LSM1: variants seen among roughly 807,000 people sequenced by gnomAD.
LSM1 encodes LSM1 homolog, mRNA degradation associated, also known as U6 snRNA-associated Sm-like protein LSm1.
A neutral mutation model predicts 18.0 loss-of-function variants in LSM1; 13 were observed. The observed-to-expected ratio is 0.72, with a 90% CI of 0.47 to 1.15. The LOEUF (loss-of-function observed/expected upper bound fraction) is 1.15. Among genes scored for constraint, LSM1 ranks in the 50% most tolerant of loss-of-function variants. The pLI is 0.00. For missense variants in LSM1, 152 were observed against 157.7 expected (o/e 0.96, Z 0.19); for synonymous variants, 46 against 56.0 (o/e 0.82, Z 0.80).
chr8:38,175,902 C>T (rs1284360747), intron 1 of LSM1: 1 of 193,500 alleles, frequency 5.2e-6, no homozygotes, highest in Non-Finnish European at 1.1e-5. Flanking sequence ...GATCCATCCA[C>T]CGGTAACACG....
At chr8:38,166,905 T>C (rs1166151645) in intron 3 of LSM1, among the ~76,000 whole-genome samples, 1 of 152,250 alleles carries the variant, frequency 6.6e-6, no homozygotes, top group African/African-American at 2.4e-5. Flanking sequence ...AAGCAATTCA[T>C]GCTGCTGTTG....
At chr8:38,171,762 T>G (rs1397333730) in intron 2 of LSM1, among the ~76,000 whole-genome samples, 2 of 152,268 alleles carry the variant, frequency 1.3e-5, no homozygotes, top group Non-Finnish European at 2.9e-5. Context: ...AAGCCAGTTT[T>G]AGAAACGAGC....
chr8:38,163,461 T>C lies in LSM1; in HGVS notation c.*209A>G, dbSNP rs1160594524. 2 of 497,680 alleles carry C rather than the reference T, an allele frequency of 4.0e-6. No individual in the cohort carries two copies. Among genetic ancestry groups the C allele is most frequent in the Non-Finnish European group, 7.1e-6 (2 of 280,724 alleles). The allele number at this position is 497,680 out of a possible 1,614,324, so 30.8% of individuals were successfully genotyped here. A position where few individuals can be genotyped will look rare whatever the true frequency, so the allele number is the denominator to read the frequency against. On this transcript the variant is annotated 3_prime_UTR_variant, in exon 4 of 4. Coordinates refer to ENST00000311351, the MANE Select transcript of LSM1 (RefSeq NM_014462.3). Reference sequence around the variant, plus strand: ...CCACAGTGATGTGTGAAGGAGTCTATGCCACTGTTTCTTTAAACAGTGATT... The same window carrying C: ...CCACAGTGATGTGTGAAGGAGTCTACGCCACTGTTTCTTTAAACAGTGATT...
chr8:38,163,772 C>A lies in LSM1; in HGVS notation c.300G>T (p.Arg100Ser), dbSNP rs372428495. Reference protein sequence around the residue: ...VSIEEILEEQRVEQQTKLEAE... With the variant: ...VSIEEILEEQSVEQQTKLEAE... ...CTTCCAGCTTGGTCTGCTGTTCCAC[C>A]CTTTGTTCTTCTAGAATTTCTTCAA... The change falls in exon 4 of 4, where the codon AGG (arginine) becomes AGT (serine). Residue 100 changes from arginine (R) to serine (S), a missense_variant. Transcript: ENST00000311351. The A allele has an allele frequency of 6.2e-7, 1 of 1,614,134 alleles. No individual in the cohort carries two copies.
intron 2 of LSM1, among the ~76,000 whole-genome samples, chr8:38,171,728 T>C (rs1803033451): frequency 1.3e-5 from 2 of 152,076 alleles, no homozygotes; most frequent in Non-Finnish European, 2.9e-5. Flanking sequence ...ATCATTTGGC[T>C]CCCCCTACTG....
rs1220530175 is a variant in LSM1 at position 38,176,447 on chromosome 8, T to G, written c.-127A>C. 1.4e-6 allele frequency: 1 copy of G among 734,370 alleles called. No individual in the cohort carries two copies. The allele number at this position is 734,370 out of a possible 1,614,324, so 45.5% of individuals were successfully genotyped here. On this transcript the variant is annotated 5_prime_UTR_variant, in exon 1 of 4. Transcript: ENST00000311351. ...GAATCCCGACCGAGACCAGCACTTCTGCCCCGGCTTTCAGCCGCCGGGGGC... is the reference window on the plus strand; with the variant it reads ...GAATCCCGACCGAGACCAGCACTTCGGCCCCGGCTTTCAGCCGCCGGGGGC...
At chr8:38,176,625 A>ACGTATACTCCCTCTT (rs1401490092), upstream of LSM1, 2 of 566,108 alleles carry the variant, frequency 3.5e-6, no homozygotes, top group African/African-American at 3.8e-5. Context: ...TGGCGAGGAA[A>ACGTATACTCCCTCTT]CGTATACTCC....
intron 3 of LSM1, among the ~76,000 whole-genome samples, chr8:38,167,940 T>A (rs1302051600): frequency 6.6e-6 from 1 of 151,366 alleles, no homozygotes; most frequent in Non-Finnish European, 1.5e-5. Flanking sequence ...TCCCCATGGG[T>A]ACCATGGTAC....
chr8:38,176,385 T>A lies in LSM1; in HGVS notation c.-65A>T, dbSNP rs1803145592. 3 of 1,339,526 alleles carry A rather than the reference T, an allele frequency of 2.2e-6. No homozygotes were observed. Among genetic ancestry groups the A allele is most frequent in the African/African-American group, 1.4e-5 (1 of 69,756 alleles). 83.0% of individuals were successfully genotyped at this position (1,339,526 alleles called of 1,614,324 possible). On this transcript the variant is annotated 5_prime_UTR_variant, in exon 1 of 4. Transcript: ENST00000311351. ...GCCAGCGCGTCCAAAACCTCTTCCC[T>A]CCTACCGCAGTCGCCGCCTCGGTGG...
At position 38,169,831 on chromosome 8, in the gene LSM1, C is replaced by T. The variant is rs375691357; in HGVS notation, c.202G>A (p.Gly68Arg). 1 of 1,613,414 alleles carries T rather than the reference C, an allele frequency of 6.2e-7. No homozygotes were observed. Among genetic ancestry groups the T allele is most frequent in the Non-Finnish European group, 8.5e-7 (1 of 1,179,402 alleles). ...TCTCCTAGTAGGACCACATTTTCTC[C>T]TCTGACCACAAAAATCCCTCGAGGA... ...DIPRGIFVVR[G>R]ENVVLLGEID... Residue 68 changes from glycine (G) to arginine (R), a missense_variant, in exon 3 of 4, where the codon GGA becomes AGA. Physicochemically the swap from Gly to Arg is moderately radical, Grantham distance 125. Transcript: ENST00000311351.
intron 3 of LSM1, chr8:38,166,098 A>T (rs1802924564): frequency 6.6e-6 from 1 of 152,264 alleles, no homozygotes; most frequent in Admixed American, 6.6e-5. Context: ...ATTTTAGTAG[A>T]TGTGCTGCCA....
chr8:38,165,737 T>C (rs977861500), intron 3 of LSM1, among the ~76,000 whole-genome samples: 11 of 150,752 alleles, frequency 7.3e-5, no homozygotes, highest in African/African-American at 2.7e-4. Flanking sequence ...AAAAATTAGC[T>C]GGGCGTGGTA....
At position 38,169,884 on chromosome 8, in the gene LSM1, A is replaced by G. The variant is rs1339575047; in HGVS notation, c.149T>C (p.Ile50Thr). 2.5e-6 allele frequency: 4 copies of G among 1,613,724 alleles called. No homozygotes were observed. Among genetic ancestry groups the G allele is most frequent in the Non-Finnish European group, 1.7e-6 (2 of 1,179,706 alleles). Residue 50 changes from isoleucine to threonine, a missense_variant, in exon 3 of 4, where the codon ATT becomes ACT. Ile to Thr is a moderately conservative substitution (Grantham distance 89). Transcript: ENST00000311351. ...NLVLHQTVER[I>T]HVGKKYGDIP... ...ATCACCGTATTTTTTGCCCACATGA[A>G]TACGCTCCACAGTCTGATGTAGCAC... is the stretch of plus-strand genomic sequence containing the variant.
chr8:38,176,508 C>A (rs1284262355), upstream of LSM1: 1 of 586,752 alleles, frequency 1.7e-6, no homozygotes, highest in Middle Eastern at 4.2e-4. Context: ...TTACCCACTT[C>A]CTGTAACACG....
At chr8:38,176,195 A>G (rs1803139596) in intron 1 of LSM1, 80 bp downstream of exon 1, 4 of 1,251,186 alleles carry the variant, frequency 3.2e-6, no homozygotes, top group Non-Finnish European at 4.7e-6. Flanking sequence ...GACTCATTCT[A>G]CAAGCTTCTT....
chr8:38,175,778 A>C (rs1184607911), intron 1 of LSM1: 1 of 153,272 alleles, frequency 6.5e-6, no homozygotes, highest in African/African-American at 2.4e-5. Flanking sequence ...CCTCACAGTA[A>C]AATAAGCTAG....
At chr8:38,164,041 G>A (rs2130635883) in intron 3 of LSM1, among the ~76,000 whole-genome samples, 1 of 152,184 alleles carries the variant, frequency 6.6e-6, no homozygotes, top group South Asian at 2.1e-4. Context: ...CTTACAATGA[G>A]GTTAATAGTG....
At chr8:38,166,205 C>T (rs967363973) in intron 3 of LSM1, 1 of 152,230 alleles carries the variant, frequency 6.6e-6, no homozygotes, top group Non-Finnish European at 1.5e-5. Context: ...TGATCTGAAA[C>T]TCTTGGGCTG....
intron 2 of LSM1, chr8:38,170,908 A>C (rs1803016117): frequency 3.1e-6 from 1 of 317,902 alleles, no homozygotes; most frequent in South Asian, 2.4e-5. Flanking sequence ...ATCTATGTTC[A>C]TATCTTCCAT....
Sources: gnomAD v4.1 joint callset for allele counts (sites outside exome capture counted in the v4.1 genomes callset) on GRCh38, gnomAD v4.1.1 for gene constraint, MANE v1.5 for transcripts, NCBI Gene and HGNC (gene_info 2026-07-23, HGNC 2026-07-21) for gene names.